RBM17: variants seen among roughly 807,000 people sequenced by gnomAD.
RBM17 encodes the protein splicing factor 45.
Under a neutral mutation model 53.2 loss-of-function variants are expected in RBM17, and 7 were observed. That is an observed-to-expected ratio of 0.13 (90% CI 0.07 to 0.25). The LOEUF is 0.25. Ranked by LOEUF, RBM17 falls within the 10% of genes least tolerant of loss-of-function variation. The pLI is 1.00. For synonymous variants in RBM17, 167 were observed against 178.1 expected (o/e 0.94, Z 0.50); for missense variants, 257 against 496.7 (o/e 0.52, Z 4.59).
intron 5 of RBM17, chr10:6,106,464 T>G: frequency 2.3e-6 from 1 of 429,450 alleles, no homozygotes; most frequent in Non-Finnish European, 4.3e-6. Flanking sequence ...ATTTATTTAT[T>G]GGATACTTTG....
intron 1 of RBM17, among the ~76,000 whole-genome samples, chr10:6,093,905 A>T (rs1169945963): frequency 1.3e-5 from 2 of 151,788 alleles, no homozygotes; most frequent in East Asian, 3.9e-4. Context: ...TAATAATTTT[A>T]TGCATGCAAA....
Position 6,112,089 on chromosome 10 carries a change from T to C in RBM17, c.705-121T>C, listed in dbSNP as rs1840846701. On this transcript the variant is annotated intron_variant, in intron 7 of 11. Coordinates refer to ENST00000379888, the MANE Select transcript of RBM17 (RefSeq NM_032905.5). This position sits in a 1 kb window ranked among gnomAD's most constrained non-coding sequence, Gnocchi z 4.4. Reference sequence around the variant, plus strand: ...CCCACTCCTAGTTAATGAGTGACTTTGTTGAAGCCCCTGTGGAGCATGCAC... The same window carrying C: ...CCCACTCCTAGTTAATGAGTGACTTCGTTGAAGCCCCTGTGGAGCATGCAC... 4.3e-6 allele frequency: 4 copies of C among 932,104 alleles called. No individual in the cohort carries two copies. 57.7% of individuals were successfully genotyped at this position (932,104 alleles called of 1,614,324 possible). A position where few individuals can be genotyped will look rare whatever the true frequency, so the allele number is the denominator to read the frequency against.
chr10:6,105,456 C>T (rs752558270), intron 4 of RBM17, among the ~76,000 whole-genome samples: 1 of 152,154 alleles, frequency 6.6e-6, no homozygotes, highest in African/African-American at 2.4e-5. Flanking sequence ...GCCAACATGC[C>T]GCTCAAAGGA....
At chr10:6,115,336 A>G (rs1225091869) in intron 11 of RBM17, 25 bp downstream of exon 11, 3 of 1,585,512 alleles carry the variant, frequency 1.9e-6, no homozygotes, top group South Asian at 1.1e-5. Context: ...TAAATATTAA[A>G]GAATAAAAAA....
intron 2 of RBM17, among the ~76,000 whole-genome samples, chr10:6,099,711 TGTAGATACAGAGG>T (rs1403757771): frequency 1.3e-5 from 2 of 152,188 alleles, no homozygotes; most frequent in Non-Finnish European, 2.9e-5. Flanking sequence ...ATGTGGAACC[TGTAGATACAGAGG>T]GCCAACTCTA....
chr10:6,106,437 C>G (rs1840749194), intron 5 of RBM17, 199 bp downstream of exon 5: 1 of 486,480 alleles, frequency 2.1e-6, no homozygotes, highest in Non-Finnish European at 3.8e-6. Flanking sequence ...CTTTGAGCTT[C>G]ACAACCACTT....
In RBM17 at chr10:6,116,863, T is replaced by C. The variant is rs1840926907; in HGVS notation, c.*1307T>C. Reference sequence around the variant, plus strand: ...TGTGGTATTATTTTATTGAATAAAATTGAGTTTTATGATAAAAGTGCACCT... The same window carrying C: ...TGTGGTATTATTTTATTGAATAAAACTGAGTTTTATGATAAAAGTGCACCT... On this transcript the variant is annotated 3_prime_UTR_variant, in exon 12 of 12. Coordinates refer to ENST00000379888, the MANE Select transcript of RBM17 (RefSeq NM_032905.5). 1 of 152,316 alleles carries C rather than the reference T, an allele frequency of 6.6e-6. No individual in the cohort carries two copies. The highest frequency in any genetic ancestry group is 6.5e-5 in the Admixed American group (1 of 15,276). The allele number at this position is 152,316 out of a possible 1,614,324, so 9.4% of individuals were successfully genotyped here. A position where few individuals can be genotyped will look rare whatever the true frequency, so the allele number is the denominator to read the frequency against.
chr10:6,092,195 T>C (rs1375718627), intron 1 of RBM17, among the ~76,000 whole-genome samples: 1 of 152,242 alleles, frequency 6.6e-6, no homozygotes, highest in Non-Finnish European at 1.5e-5. Flanking sequence ...TGGCTTCTTA[T>C]GGTATATCCA....
intron 7 of RBM17, among the ~76,000 whole-genome samples, chr10:6,111,583 ACCCGCCTCGG>A (rs1840838178): frequency 6.6e-6 from 1 of 152,058 alleles, no homozygotes; most frequent in African/African-American, 2.4e-5. Flanking sequence ...CAGGTGATCC[ACCCGCCTCGG>A]CTTCCCAAAG....
At chr10:6,101,433 A>G (rs912169489) in intron 3 of RBM17, 46 bp downstream of exon 3, 26 of 1,295,420 alleles carry the variant, frequency 2.0e-5, no homozygotes, top group Non-Finnish European at 2.7e-5. Context: ...CTCTGTTCCC[A>G]TGTGGCTTAT....
intron 2 of RBM17, 76 bp from the exon 3 acceptor site, chr10:6,101,195 A>G (rs1470061047): frequency 3.4e-6 from 3 of 875,102 alleles, no homozygotes; most frequent in African/African-American, 3.4e-5. Flanking sequence ...GGGACCAGAA[A>G]GAAAATCTTT....
intron 2 of RBM17, among the ~76,000 whole-genome samples, chr10:6,098,084 C>T (rs1299212049): frequency 2.0e-5 from 3 of 152,014 alleles, no homozygotes; most frequent in Admixed American, 6.6e-5. Flanking sequence ...ACCTAGTTGT[C>T]GACTGGATAT....
At chr10:6,106,836 A>G (rs1840755912) in intron 5 of RBM17, among the ~76,000 whole-genome samples, 1 of 152,054 alleles carries the variant, frequency 6.6e-6, no homozygotes. Context: ...ACTTTGTTTG[A>G]CCTTGTAGCT....
Position 6,106,164 on chromosome 10 carries a change from C to T in RBM17, c.431C>T (p.Ala144Val), listed in dbSNP as rs1230452797. 2 of 1,613,344 alleles carry T rather than the reference C, an allele frequency of 1.2e-6. No individual in the cohort carries two copies. The highest frequency in any genetic ancestry group is 1.7e-6 in the Non-Finnish European group (2 of 1,179,486). ...REKRRKDRHEASGFARRPDPD... is the reference protein window; with the variant it reads ...REKRRKDRHEVSGFARRPDPD... ...AGAAGGCGTAAAGACAGACATGAAG[C>T]AAGTGGGTTTGCAAGGAGACCAGAT... Residue 144 changes from alanine (A) to valine (V), a missense_variant, in exon 5 of 12, where the codon GCA (alanine) becomes GTA (valine). Ala to Val is a moderately conservative substitution (Grantham distance 64). Around this residue, in one of 6 missense-constraint regions of RBM17, gnomAD observed 127 missense variants for 217.2 expected, o/e 0.58. Transcript: ENST00000379888.
At chr10:6,110,267 C>T (rs1160644454) in intron 7 of RBM17, 140 bp downstream of exon 7, 2 of 554,914 alleles carry the variant, frequency 3.6e-6, no homozygotes, top group East Asian at 3.3e-5. Context: ...CTGCCTCAAT[C>T]GTGTGGAGCG....
At position 6,117,282 on chromosome 10, in the gene RBM17, T is replaced by TA; in HGVS notation, c.*1728dup. ...TCTTTTATTTTTAAAATAACTGTGTTAATCAGTTAGTGCTTTATTTATAAT... is the reference window on the plus strand; with the variant it reads ...TCTTTTATTTTTAAAATAACTGTGTTAAATCAGTTAGTGCTTTATTTATAAT... On this transcript the variant is annotated 3_prime_UTR_variant, in exon 12 of 12. Coordinates refer to ENST00000379888, the MANE Select transcript of RBM17 (RefSeq NM_032905.5). 1 of 152,278 alleles carries TA rather than the reference T, an allele frequency of 6.6e-6. No individual in the cohort carries two copies. The highest frequency in any genetic ancestry group is 1.9e-4 in the East Asian group (1 of 5,262). The allele number at this position is 152,278 out of a possible 1,614,324, so 9.4% of individuals were successfully genotyped here.
intron 2 of RBM17, among the ~76,000 whole-genome samples, chr10:6,098,525 T>C (rs1410419421): frequency 6.6e-6 from 1 of 151,476 alleles, no homozygotes; most frequent in Middle Eastern, 3.2e-3. Context: ...TAATCTCTAA[T>C]TTCATGTTTG....
intron 2 of RBM17, among the ~76,000 whole-genome samples, chr10:6,098,576 T>TTG (rs1840618924): frequency 8.2e-6 from 1 of 122,010 alleles, no homozygotes; most frequent in Non-Finnish European, 1.7e-5. Context: ...TTTTTTTTTT[T>TTG]TTTTTTTTTT....
rs117429112 is a variant in RBM17 at position 6,091,760 on chromosome 10, C to G, written c.-19+2567C>G. On this transcript the variant is annotated intron_variant, in intron 1 of 11. Transcript: ENST00000379888. ...AAGAAACACCCCTGCCTTTAGGGGG[C>G]TTACACTGCAGGAAGAAACCGCTGT... Among the ~76,000 whole-genome samples the G allele has an allele frequency of 4.5e-3, 677 of 152,066 alleles. 4 individuals are homozygous for G. Among genetic ancestry groups the G allele is most frequent in the Non-Finnish European group, 4.5e-3 (307 of 68,006 alleles).
Sources: allele counts gnomAD v4.1 joint callset (sites outside exome capture counted in the v4.1 genomes callset), GRCh38; gene constraint gnomAD v4.1.1; regional missense constraint gnomAD v4.1.1; non-coding constraint Gnocchi (gnomAD v3.1); transcripts MANE v1.5; gene names NCBI Gene and HGNC (gene_info 2026-07-23, HGNC 2026-07-21).